LRMDA: variants seen among roughly 807,000 people sequenced by gnomAD.
The protein encoded by LRMDA is leucine-rich melanocyte differentiation-associated protein.
Under a neutral mutation model 29.8 loss-of-function variants are expected in LRMDA, and 18 were observed. That is an observed-to-expected ratio of 0.60 (90% CI 0.42 to 0.90). The LOEUF (loss-of-function observed/expected upper bound fraction) is 0.90. Ranked by LOEUF, LRMDA falls within the 40% of genes least tolerant of loss-of-function variation. The pLI, the probability that LRMDA is intolerant of heterozygous loss-of-function variation, is 0.00. For synonymous variants in LRMDA, 125 were observed against 109.4 expected (o/e 1.14, Z -0.89); for missense variants, 273 against 273.9 (o/e 1.00, Z 0.02).
intron 2 of LRMDA, among the ~76,000 whole-genome samples, chr10:75,519,222 A>G (rs556796104): frequency 2.2e-4 from 33 of 152,214 alleles, no homozygotes; most frequent in South Asian, 4.2e-4. Flanking sequence ...ATTAGGTCCA[A>G]TTGGTCCAGA....
chr10:76,249,906 G>C (rs913709071), intron 5 of LRMDA, among the ~76,000 whole-genome samples: 7 of 152,168 alleles, frequency 4.6e-5, no homozygotes, highest in African/African-American at 1.4e-4. Context: ...AGGTTCAAGT[G>C]ATTCTCTTGT....
chr10:75,616,174 C>T (rs1345437656), intron 2 of LRMDA, among the ~76,000 whole-genome samples: 2 of 151,984 alleles, frequency 1.3e-5, no homozygotes, highest in Admixed American at 1.3e-4. Context: ...CAGGGGAACT[C>T]CCATTTACAA....
At chr10:75,755,042 G>GT (rs76622708) in intron 2 of LRMDA, among the ~76,000 whole-genome samples, 2,259 of 145,008 alleles carry the variant, frequency 0.016, 64 homozygotes, top group African/African-American at 0.049. Flanking sequence ...AAGTTTTTTG[G>GT]TTTTTTTTTT....
chr10:76,023,695 C>A (rs1848014146), intron 2 of LRMDA, among the ~76,000 whole-genome samples: 1 of 152,222 alleles, frequency 6.6e-6, no homozygotes, highest in South Asian at 2.1e-4. Context: ...CAAGGCAGGA[C>A]CTGGATCAGG....
intron 2 of LRMDA, among the ~76,000 whole-genome samples, chr10:75,506,318 C>T (rs951752845): frequency 1.3e-5 from 2 of 152,196 alleles, no homozygotes; most frequent in African/African-American, 4.8e-5. Flanking sequence ...TCCTGCCACT[C>T]CCCTGTCTGA....
intron 5 of LRMDA, among the ~76,000 whole-genome samples, chr10:76,115,978 A>G (rs1056264575): frequency 1.3e-5 from 2 of 152,186 alleles, no homozygotes; most frequent in Non-Finnish European, 2.9e-5. Context: ...TCCTCAATGC[A>G]TCAAGTACTG....
intron 2 of LRMDA, among the ~76,000 whole-genome samples, chr10:75,900,112 A>G (rs1272441968): frequency 6.6e-6 from 1 of 152,234 alleles, no homozygotes; most frequent in Non-Finnish European, 1.5e-5. Flanking sequence ...TAAGAATGGT[A>G]TAATTACTGA....
At chr10:75,878,345 GCT>G (rs1845234989) in intron 2 of LRMDA, among the ~76,000 whole-genome samples, 1 of 151,914 alleles carries the variant, frequency 6.6e-6, no homozygotes, top group African/African-American at 2.4e-5. Flanking sequence ...GGTAGAAGTA[GCT>G]CTCAGTGAGG....
intron 2 of LRMDA, among the ~76,000 whole-genome samples, chr10:75,712,032 G>T (rs1020588618): frequency 2.0e-5 from 3 of 151,966 alleles, no homozygotes; most frequent in Non-Finnish European, 4.4e-5. Context: ...AGTTCAGCTT[G>T]CACAGGCCTG....
At chr10:76,073,913 A>G (rs1040433336) in intron 5 of LRMDA, among the ~76,000 whole-genome samples, 1 of 152,224 alleles carries the variant, frequency 6.6e-6, no homozygotes, top group Non-Finnish European at 1.5e-5. Context: ...TCCCTAGAGC[A>G]TCCTGAAAAT....
At chr10:75,916,598 T>G (rs113989673) in intron 2 of LRMDA, among the ~76,000 whole-genome samples, 1,715 of 152,264 alleles carry the variant, frequency 0.011, 9 homozygotes, top group Non-Finnish European at 0.016. Context: ...TCTGCCATGC[T>G]TTTCTGAATC....
intron 5 of LRMDA, among the ~76,000 whole-genome samples, chr10:76,062,266 G>A (rs565642825): frequency 2.6e-5 from 4 of 152,270 alleles, no homozygotes; most frequent in African/African-American, 4.8e-5. Flanking sequence ...TAAGGTGGCC[G>A]TGATTTGGGG....
chr10:76,310,914 A>C (rs146003913), intron 5 of LRMDA, among the ~76,000 whole-genome samples: 355 of 152,334 alleles, frequency 2.3e-3, no homozygotes, highest in African/African-American at 8.2e-3. Context: ...TGAGAAAGGG[A>C]ATCAGGAAGA....
chr10:76,390,570 A>G (rs1278008617), intron 6 of LRMDA, among the ~76,000 whole-genome samples: 1 of 152,000 alleles, frequency 6.6e-6, no homozygotes, highest in Non-Finnish European at 1.5e-5. Flanking sequence ...GTATTCAGTC[A>G]GTATGTACCT....
At chr10:76,439,270 G>T (rs1842276584) in intron 6 of LRMDA, among the ~76,000 whole-genome samples, 1 of 152,120 alleles carries the variant, frequency 6.6e-6, no homozygotes, top group African/African-American at 2.4e-5. Flanking sequence ...TTAAATTTCA[G>T]GGAAGGTTTT....
At chr10:75,842,848 C>T (rs1844564764) in intron 2 of LRMDA, among the ~76,000 whole-genome samples, 1 of 150,824 alleles carries the variant, frequency 6.6e-6, no homozygotes, top group East Asian at 2.0e-4. Context: ...ACAGTGAGAC[C>T]CCTGTTTCTT....
At chr10:76,003,322 A>T (rs1431631939) in intron 2 of LRMDA, among the ~76,000 whole-genome samples, 1 of 151,930 alleles carries the variant, frequency 6.6e-6, no homozygotes, top group Admixed American at 6.6e-5. Flanking sequence ...TTCCTGACCG[A>T]CTCAAGGCAA....
intron 2 of LRMDA, among the ~76,000 whole-genome samples, chr10:75,791,856 C>CTTTT (rs5786188): frequency 1.8e-4 from 18 of 102,066 alleles, no homozygotes; most frequent in Non-Finnish European, 2.7e-4. Flanking sequence ...ATTCCAGGAT[C>CTTTT]TTTTTTTTTT....
chr10:76,376,642 T>C (rs1333504514), intron 6 of LRMDA, among the ~76,000 whole-genome samples: 3 of 152,136 alleles, frequency 2.0e-5, no homozygotes, highest in African/African-American at 4.8e-5. Flanking sequence ...GAAATAGCCA[T>C]ACTATTTTCC....
Sources: gnomAD v4.1 joint callset for allele counts (sites outside exome capture counted in the v4.1 genomes callset) on GRCh38, gnomAD v4.1.1 for gene constraint, MANE v1.5 for transcripts, NCBI Gene and HGNC (gene_info 2026-07-23, HGNC 2026-07-21) for gene names.